CENPP: variants seen among roughly 807,000 people sequenced by gnomAD.
The protein encoded by CENPP is centromere protein P.
A neutral mutation model predicts 35.6 loss-of-function variants in CENPP; 24 were observed. The ratio of observed to expected loss-of-function variants is 0.67; its 90% CI spans 0.49 to 0.95. CENPP has a LOEUF of 0.95. Ranked by LOEUF, CENPP falls within the 40% of genes least tolerant of loss-of-function variation. The pLI is 0.00. For missense variants in CENPP, 332 were observed against 345.3 expected (o/e 0.96, Z 0.31); for synonymous variants, 120 against 125.5 (o/e 0.96, Z 0.29).
intron 5 of CENPP, among the ~76,000 whole-genome samples, chr9:92,466,117 G>GCCA (rs1845301555): frequency 6.6e-6 from 1 of 152,176 alleles, no homozygotes; most frequent in Admixed American, 6.5e-5. Context: ...ACAAGCGTGA[G>GCCA]CCACCAGGCC....
At chr9:92,552,087 GTGATATGATAGA>G (rs1849619966) in intron 5 of CENPP, among the ~76,000 whole-genome samples, 5 of 125,026 alleles carry the variant, frequency 4.0e-5, no homozygotes, top group African/African-American at 6.8e-5. Context: ...TATCATATAT[GTGATATGATAGA>G]TCTATCATAT....
chr9:92,572,690 A>G (rs1334294226), intron 5 of CENPP, among the ~76,000 whole-genome samples: 9 of 152,294 alleles, frequency 5.9e-5, no homozygotes, highest in Non-Finnish European at 1.2e-4. Flanking sequence ...GTGTTTTCCA[A>G]CTTGGTTCCA....
intron 4 of CENPP, among the ~76,000 whole-genome samples, chr9:92,372,167 T>C (rs1255714009): frequency 7.5e-6 from 1 of 133,076 alleles, no homozygotes; most frequent in Non-Finnish European, 1.6e-5. Flanking sequence ...TTAGCTGATA[T>C]AAGTATAGCC....
In CENPP at chr9:92,612,278, T is replaced by A. The variant is rs1052047463; in HGVS notation, c.645-245T>A. On this transcript the variant is annotated intron_variant, in intron 6 of 7. Coordinates refer to ENST00000375587, the MANE Select transcript of CENPP (RefSeq NM_001012267.3). ...TAATTTTGAAGTTTCTGTTGCTCCA[T>A]GTTCTGTACTTCGCTGGTATTGGCC... is the stretch of plus-strand genomic sequence containing the variant. Among the ~76,000 whole-genome samples the A allele has an allele frequency of 2.6e-5, 4 of 152,372 alleles. No homozygotes were observed. The East Asian group carries it at 7.7e-4, about 29-fold the overall frequency.
At chr9:92,585,310 T>G (rs920682144) in intron 5 of CENPP, among the ~76,000 whole-genome samples, 2 of 152,208 alleles carry the variant, frequency 1.3e-5, no homozygotes, top group African/African-American at 4.8e-5. Flanking sequence ...GATAGTGACA[T>G]GAAATCACTC....
At position 92,389,213 on chromosome 9, in the gene CENPP, G is replaced by A. The variant is rs193049667; in HGVS notation, c.564+9354G>A. 2.0e-5 allele frequency among the ~76,000 whole-genome samples: 3 copies of A among 152,178 alleles called. No individual in the cohort carries two copies. In the East Asian group the frequency reaches 5.8e-4, roughly 29 times the overall value. ...ATTACATCAGAGCTATGGAAATCCT[G>A]GACTAAAGTGATTACTCCTGTAGGT... On this transcript the variant is annotated intron_variant, in intron 5 of 7. Coordinates refer to ENST00000375587, the MANE Select transcript of CENPP (RefSeq NM_001012267.3).
intron 5 of CENPP, among the ~76,000 whole-genome samples, chr9:92,434,872 C>T (rs926504819): frequency 6.6e-6 from 1 of 151,920 alleles, no homozygotes; most frequent in Non-Finnish European, 1.5e-5. Flanking sequence ...GCCGACATGG[C>T]GAAACCCCAT....
chr9:92,579,941 T>C (rs941331646), intron 5 of CENPP, among the ~76,000 whole-genome samples: 11 of 149,014 alleles, frequency 7.4e-5, no homozygotes, highest in African/African-American at 2.8e-4. Flanking sequence ...TGTGGGTTTG[T>C]CATAGATAGC....
chr9:92,498,240 G>A (rs572497629), intron 5 of CENPP, among the ~76,000 whole-genome samples: 1 of 151,996 alleles, frequency 6.6e-6, no homozygotes, highest in East Asian at 1.9e-4. Context: ...AATACTGGAA[G>A]GATAAACTAG....
intron 6 of CENPP, 47 bp from the exon 7 acceptor site, chr9:92,612,476 G>A (rs373812004): frequency 4.8e-6 from 7 of 1,469,846 alleles, no homozygotes; most frequent in Admixed American, 3.3e-5. Flanking sequence ...TAATCTTTTC[G>A]CCAGATTTCA....
intron 4 of CENPP, among the ~76,000 whole-genome samples, chr9:92,352,994 G>T (rs941912273): frequency 6.6e-6 from 1 of 151,934 alleles, no homozygotes; most frequent in African/African-American, 2.4e-5. Context: ...TTCAAATAAA[G>T]ACAATAATAG....
At chr9:92,435,972 A>C (rs1326783346) in intron 5 of CENPP, among the ~76,000 whole-genome samples, 1 of 152,200 alleles carries the variant, frequency 6.6e-6, no homozygotes, top group African/African-American at 2.4e-5. Flanking sequence ...TTAGTTTTTA[A>C]AAACCTGGCA....
At chr9:92,525,518 C>A (rs1468854669) in intron 5 of CENPP, among the ~76,000 whole-genome samples, 1 of 152,166 alleles carries the variant, frequency 6.6e-6, no homozygotes, top group Non-Finnish European at 1.5e-5. Flanking sequence ...GACGTCACAG[C>A]ATCATAGCAT....
intron 5 of CENPP, among the ~76,000 whole-genome samples, chr9:92,572,436 T>C (rs1850167446): frequency 6.6e-6 from 1 of 152,246 alleles, no homozygotes. Flanking sequence ...TTCTTGCTTG[T>C]AGAGTTTCTG....
chr9:92,544,860 C>T (rs1035407589), intron 5 of CENPP, among the ~76,000 whole-genome samples: 4 of 151,858 alleles, frequency 2.6e-5, no homozygotes, highest in East Asian at 3.9e-4. Context: ...GGAGTACAGG[C>T]GCATGCCACC....
intron 5 of CENPP, chr9:92,393,012 T>C (rs1249499195): frequency 2.5e-6 from 3 of 1,191,828 alleles, no homozygotes; most frequent in Non-Finnish European, 3.6e-6. Context: ...GCAGCAACTA[T>C]ATAGAAACTT....
rs778480959 is a variant in CENPP at position 92,345,707 on chromosome 9, G to A, written c.387G>A (p.Glu129=). 1 of 1,561,896 alleles carries A rather than the reference G, an allele frequency of 6.4e-7. No individual in the cohort carries two copies. The highest frequency in any genetic ancestry group is 1.7e-5 in the Admixed American group (1 of 58,932). Residue 129 remains glutamate (E), a synonymous_variant, in exon 4 of 8, where the codon GAG becomes GAA. Transcript: ENST00000375587. ...EFQILEIQNK[E]RLSSAVTDLN... The stretch of plus-strand genomic sequence containing the variant: ...TTTTATCTTTATTTTAGAATAAGGA[G>A]AGATTATCTTCTGCTGTTACTGACC...
At chr9:92,437,338 C>T (rs922657212) in intron 5 of CENPP, among the ~76,000 whole-genome samples, 2 of 150,958 alleles carry the variant, frequency 1.3e-5, no homozygotes, top group East Asian at 1.9e-4. Flanking sequence ...GATATAAGTC[C>T]TTTATCAAAT....
intron 4 of CENPP, among the ~76,000 whole-genome samples, chr9:92,369,958 A>T (rs1181570210): frequency 6.6e-6 from 1 of 152,008 alleles, no homozygotes; most frequent in African/African-American, 2.4e-5. Flanking sequence ...TGGGTTTTTT[A>T]TATGTAGCCT....
Sources: allele counts gnomAD v4.1 joint callset (sites outside exome capture counted in the v4.1 genomes callset), GRCh38; gene constraint gnomAD v4.1.1; transcripts MANE v1.5; gene names NCBI Gene and HGNC (gene_info 2026-07-23, HGNC 2026-07-21).